Variants in GALNT18 observed in about 807,000 individuals in gnomAD.
GALNT18 encodes the protein polypeptide N-acetylgalactosaminyltransferase 18.
GALNT18 carries 44 observed loss-of-function variants against 69.5 expected under a neutral mutation model. The ratio of observed to expected loss-of-function variants is 0.63; its 90% CI spans 0.50 to 0.81. The LOEUF is 0.81. Ranked by LOEUF, GALNT18 falls within the 40% of genes least tolerant of loss-of-function variation. GALNT18 has a pLI of 0.00. For synonymous variants in GALNT18, 364 were observed against 318.2 expected (o/e 1.14, Z -1.53); for missense variants, 715 against 810.0 (o/e 0.88, Z 1.42).
At position 11,308,217 on chromosome 11, in the gene GALNT18, G is replaced by A. The variant is rs150605147; in HGVS notation, c.1513-15024C>T. ...TTCCTGGCGTGGCAGGAAGAACCTC[G>A]CCGTGTAAGCGATGGTGGAAATCAC... is the stretch of plus-strand genomic sequence containing the variant. On this transcript the variant is annotated intron_variant, in intron 9 of 10. Coordinates refer to ENST00000227756, the MANE Select transcript of GALNT18 (RefSeq NM_198516.3). Among the ~76,000 whole-genome samples the A allele has an allele frequency of 4.7e-3, 708 of 152,250 alleles. 8 individuals are homozygous for A. Among genetic ancestry groups the A allele is most frequent in the East Asian group, 0.032 (164 of 5,178 alleles).
chr11:11,604,857 C>G lies in GALNT18; in HGVS notation c.235+16502G>C, dbSNP rs1440095234. Among the ~76,000 whole-genome samples, 1 of 152,126 alleles carries G rather than the reference C, an allele frequency of 6.6e-6. No homozygotes were observed. The highest frequency in any genetic ancestry group is 2.4e-5 in the African/African-American group (1 of 41,434). The stretch of plus-strand genomic sequence containing the variant: ...CTGGTCCCCCACACCCCAAAGGCTA[C>G]ACAATCTGTTTGAAATGAAAAGGAA... On this transcript the variant is annotated intron_variant, in intron 1 of 10. Transcript: ENST00000227756. The surrounding 1 kb of genome is among the most constrained non-coding windows in gnomAD (Gnocchi z 5.6).
chr11:11,541,530 C>T lies in GALNT18; in HGVS notation c.235+79829G>A, dbSNP rs1342420151. On this transcript the variant is annotated intron_variant, in intron 1 of 10. Transcript: ENST00000227756. The surrounding 1 kb of genome is among the most constrained non-coding windows in gnomAD (Gnocchi z 4.8). ...TTCTACTTAAAATTCTTCCATGGCTCTCCAAGGCTTGCAGGATCCAGTCTT... is the reference window on the plus strand; with the variant it reads ...TTCTACTTAAAATTCTTCCATGGCTTTCCAAGGCTTGCAGGATCCAGTCTT... 6.6e-6 allele frequency among the ~76,000 whole-genome samples: 1 copy of T among 152,184 alleles called. No homozygotes were observed. The highest frequency in any genetic ancestry group is 1.5e-5 in the Non-Finnish European group (1 of 68,034).
In GALNT18 at chr11:11,551,085, C is replaced by CA. The variant is rs36037822; in HGVS notation, c.235+70273dup. Among the ~76,000 whole-genome samples, 249 of 117,502 alleles carry CA rather than the reference C, an allele frequency of 2.1e-3. 1 individual carries two copies. Among genetic ancestry groups the CA allele is most frequent in the East Asian group, 5.0e-3 (16 of 3,206 alleles). The allele number at this position is 117,502 out of a possible 152,430, so 77.1% of individuals were successfully genotyped here. ...ATAAAACTGAAACTCTATACGGTACCAAAAAAAAAAAAAAAAAGCCCAGAA... is the reference window on the plus strand; with the variant it reads ...ATAAAACTGAAACTCTATACGGTACCAAAAAAAAAAAAAAAAAAGCCCAGAA... On this transcript the variant is annotated intron_variant, in intron 1 of 10. Coordinates refer to ENST00000227756, the MANE Select transcript of GALNT18 (RefSeq NM_198516.3).
chr11:11,366,844 C>A (rs1475908224), intron 6 of GALNT18, among the ~76,000 whole-genome samples: 1 of 152,038 alleles, frequency 6.6e-6, no homozygotes, highest in Admixed American at 6.6e-5. Flanking sequence ...TTTGCCAGGG[C>A]ATGTATAGGT....
intron 1 of GALNT18, among the ~76,000 whole-genome samples, chr11:11,529,416 T>G (rs1463395945): frequency 6.6e-6 from 1 of 152,180 alleles, no homozygotes; most frequent in Non-Finnish European, 1.5e-5. Flanking sequence ...CTCTTCCTGC[T>G]TTCAGACTCT....
At chr11:11,488,748 T>C (rs2133881411) in intron 1 of GALNT18, among the ~76,000 whole-genome samples, 1 of 152,254 alleles carries the variant, frequency 6.6e-6, no homozygotes, top group African/African-American at 2.4e-5. Flanking sequence ...CTGGGCCCTG[T>C]AAGAGTGAGA....
Position 11,621,298 on chromosome 11 carries a change from C to A in GALNT18, c.235+61G>T. The stretch of plus-strand genomic sequence containing the variant: ...TGATGCGCACCAGCCCCAGCGCACC[C>A]CGCGCCGCGCGGGGCACTCCCGGGC... On this transcript the variant is annotated intron_variant, in intron 1 of 10. Coordinates refer to ENST00000227756, the MANE Select transcript of GALNT18 (RefSeq NM_198516.3). The surrounding 1 kb of genome is among the most constrained non-coding windows in gnomAD (Gnocchi z 9.3). 1 of 1,447,788 alleles carries A rather than the reference C, an allele frequency of 6.9e-7. No homozygotes were observed. 89.7% of individuals were successfully genotyped at this position (1,447,788 alleles called of 1,614,324 possible). A position where few individuals can be genotyped will look rare whatever the true frequency, so the allele number is the denominator to read the frequency against.
intron 4 of GALNT18, among the ~76,000 whole-genome samples, chr11:11,378,129 A>G (rs910321302): frequency 6.6e-6 from 1 of 152,238 alleles, no homozygotes; most frequent in East Asian, 1.9e-4. Flanking sequence ...ACAAGTGGCA[A>G]GCAGGGACTT....
chr11:11,326,084 G>A lies in GALNT18; in HGVS notation c.1512+1002C>T, dbSNP rs187809231. Among the ~76,000 whole-genome samples the A allele has an allele frequency of 2.4e-4, 31 of 127,590 alleles. No homozygotes were observed. In the East Asian group the frequency reaches 2.5e-3, roughly 10 times the overall value. 83.7% of individuals were successfully genotyped at this position (127,590 alleles called of 152,430 possible). ...TTTTGAGACGGAATCTCGCTCTGTC[G>A]CCCAGGCCGGACTGCAGTAGTGCGA... On this transcript the variant is annotated intron_variant, in intron 9 of 10. Coordinates refer to ENST00000227756, the MANE Select transcript of GALNT18 (RefSeq NM_198516.3).
rs1166313689 is a variant in GALNT18 at position 11,461,010 on chromosome 11, C to T, written c.236-12074G>A. Among the ~76,000 whole-genome samples, 1 of 152,188 alleles carries T rather than the reference C, an allele frequency of 6.6e-6. No homozygotes were observed. Among genetic ancestry groups the T allele is most frequent in the East Asian group, 1.9e-4 (1 of 5,196 alleles). On this transcript the variant is annotated intron_variant, in intron 1 of 10. Coordinates refer to ENST00000227756, the MANE Select transcript of GALNT18 (RefSeq NM_198516.3). The surrounding 1 kb of genome is among the most constrained non-coding windows in gnomAD (Gnocchi z 4.1). ...TGGCAAGAGTTAGGGAAGGCAACTC[C>T]AGCTAGGTGGGCTAGGACTCAGGAA... is the stretch of plus-strand genomic sequence containing the variant.
chr11:11,570,736 C>G (rs1241733671), intron 1 of GALNT18, among the ~76,000 whole-genome samples: 4 of 152,164 alleles, frequency 2.6e-5, no homozygotes, highest in African/African-American at 9.7e-5. Context: ...AGGCTTCAGC[C>G]CAAGTGTTGT....
At position 11,429,485 on chromosome 11, in the gene GALNT18, A is replaced by G. The variant is rs1051035082; in HGVS notation, c.595+3136T>C. On this transcript the variant is annotated intron_variant, in intron 3 of 10. Coordinates refer to ENST00000227756, the MANE Select transcript of GALNT18 (RefSeq NM_198516.3). ...TTCCCCTCTGGGGCTCCCGCCGTGC[A>G]GTTTGCTGGCTTATGTGCTTGCCTC... Among the ~76,000 whole-genome samples the G allele has an allele frequency of 7.4e-4, 113 of 152,284 alleles. 1 individual carries two copies. The highest frequency in any genetic ancestry group is 2.7e-3 in the African/African-American group (112 of 41,554).
Position 11,616,045 on chromosome 11 carries a change from A to G in GALNT18, c.235+5314T>C, listed in dbSNP as rs1231848382. ...AGATGGGGGTCTCACCATGTTGTCC[A>G]GGTTGGTCTTGAACTCCTGGGCTCA... On this transcript the variant is annotated intron_variant, in intron 1 of 10. Transcript: ENST00000227756. The surrounding 1 kb of genome is among the most constrained non-coding windows in gnomAD (Gnocchi z 4.4). Among the ~76,000 whole-genome samples, 1 of 151,486 alleles carries G rather than the reference A, an allele frequency of 6.6e-6. No individual in the cohort carries two copies. The highest frequency in any genetic ancestry group is 1.5e-5 in the Non-Finnish European group (1 of 67,906).
At chr11:11,493,883 G>A (rs771620113) in intron 1 of GALNT18, among the ~76,000 whole-genome samples, 29 of 152,228 alleles carry the variant, frequency 1.9e-4, no homozygotes, top group Middle Eastern at 3.4e-3. Context: ...CTGTCCCAGC[G>A]TGTGGCAGCA....
chr11:11,577,745 C>T (rs576913406), intron 1 of GALNT18, among the ~76,000 whole-genome samples: 22 of 152,260 alleles, frequency 1.4e-4, no homozygotes, highest in East Asian at 7.7e-4. Context: ...GACAAGCTCC[C>T]GGCTGGCACT....
At chr11:11,374,920 A>G (rs1208043757) in intron 5 of GALNT18, among the ~76,000 whole-genome samples, 1 of 152,334 alleles carries the variant, frequency 6.6e-6, no homozygotes, top group East Asian at 1.9e-4. Flanking sequence ...ATGAACACAC[A>G]TGGTCTTAGA....
Position 11,413,116 on chromosome 11 carries a change from C to G in GALNT18, c.595+19505G>C, listed in dbSNP as rs1214431576. Among the ~76,000 whole-genome samples the G allele has an allele frequency of 6.6e-6, 1 of 152,194 alleles. No homozygotes were observed. The highest frequency in any genetic ancestry group is 1.5e-5 in the Non-Finnish European group (1 of 68,048). On this transcript the variant is annotated intron_variant, in intron 3 of 10. Transcript: ENST00000227756. This position sits in a 1 kb window ranked among gnomAD's most constrained non-coding sequence, Gnocchi z 4.7. ...TTATCTCCCTACCCCACTGGCATAT[C>G]TTGAACTTCCTGAATAAACTGCATG... is the stretch of plus-strand genomic sequence containing the variant.
At chr11:11,580,089 G>C (rs1386707130) in intron 1 of GALNT18, among the ~76,000 whole-genome samples, 1 of 152,196 alleles carries the variant, frequency 6.6e-6, no homozygotes, top group Non-Finnish European at 1.5e-5. Context: ...GAGTTAAAGA[G>C]ACAGACAGAT....
intron 5 of GALNT18, among the ~76,000 whole-genome samples, chr11:11,374,743 T>C (rs1420893005): frequency 6.6e-6 from 1 of 152,244 alleles, no homozygotes; most frequent in Non-Finnish European, 1.5e-5. Context: ...AGAAATAGCT[T>C]ATGAGAAAAT....
Sources: allele counts gnomAD v4.1 joint callset (sites outside exome capture counted in the v4.1 genomes callset), GRCh38; gene constraint gnomAD v4.1.1; non-coding constraint Gnocchi (gnomAD v3.1); transcripts MANE v1.5; gene names NCBI Gene and HGNC (gene_info 2026-07-23, HGNC 2026-07-21).